Variants in STON2 observed in about 807,000 individuals in gnomAD.
STON2 encodes the protein stonin-2.
A neutral mutation model predicts 65.7 loss-of-function variants in STON2; 29 were observed. The ratio of observed to expected loss-of-function variants is 0.44; its 90% CI spans 0.33 to 0.60. The LOEUF is 0.60. Among genes scored for constraint, STON2 ranks in the 20% least tolerant of loss-of-function variants. STON2 has a pLI of 0.03. For missense variants in STON2, 1,054 were observed against 1,118.1 expected (o/e 0.94, Z 0.82); for synonymous variants, 404 against 414.2 (o/e 0.98, Z 0.30).
intron 4 of STON2, among the ~76,000 whole-genome samples, chr14:81,341,865 C>A (rs1897627127): frequency 6.6e-6 from 1 of 152,158 alleles, no homozygotes; most frequent in Non-Finnish European, 1.5e-5. Context: ...GTCGTAAAAT[C>A]ACAAAGATTT....
At chr14:81,361,473 T>A (rs1377025093) in intron 4 of STON2, among the ~76,000 whole-genome samples, 1 of 152,142 alleles carries the variant, frequency 6.6e-6, no homozygotes, top group South Asian at 2.1e-4. Context: ...TAGACCCTTA[T>A]CTCACACCAT....
At chr14:81,313,435 A>C (rs1287616729) in intron 5 of STON2, among the ~76,000 whole-genome samples, 1 of 152,086 alleles carries the variant, frequency 6.6e-6, no homozygotes, top group Non-Finnish European at 1.5e-5. Flanking sequence ...TGGTGAACAA[A>C]ACAGATTGGG....
rs933778362 is a variant in STON2 at position 81,413,837 on chromosome 14, A to T, written c.-199+13265T>A. On this transcript the variant is annotated intron_variant, in intron 2 of 8. Transcript: ENST00000553821. ...AAATAAACAAACAAATCTGTTGCAC[A>T]TGTGAAGAAAACAAAGCTTTCTCAC... Among the ~76,000 whole-genome samples, 8 of 140,212 alleles carry T rather than the reference A, an allele frequency of 5.7e-5. 1 individual carries two copies. The highest frequency in any genetic ancestry group is 1.0e-4 in the Non-Finnish European group (7 of 66,990). 92.0% of individuals were successfully genotyped at this position (140,212 alleles called of 152,430 possible).
chr14:81,284,231 A>T (rs1038233453), intron 5 of STON2, among the ~76,000 whole-genome samples: 15 of 152,226 alleles, frequency 9.9e-5, no homozygotes, highest in African/African-American at 3.6e-4. Context: ...TATGTCTCTT[A>T]CTTTCAATCA....
intron 4 of STON2, among the ~76,000 whole-genome samples, chr14:81,339,690 A>T (rs77145683): frequency 0.013 from 1,985 of 152,314 alleles, 41 homozygotes; most frequent in African/African-American, 0.045. Context: ...TTCAGACTGT[A>T]AGGCAAAGTA....
chr14:81,313,811 AC>A lies in STON2; in HGVS notation c.742+10205del, dbSNP rs1300664508. ...CTCCGTCTCAAAAAAAAAAAAAAAT[AC>A]ACACACACACACACACACACACACA... On this transcript the variant is annotated intron_variant, in intron 5 of 7. Coordinates refer to ENST00000614646, the MANE Select transcript of STON2 (RefSeq NM_001394390.1). Among the ~76,000 whole-genome samples the A allele has an allele frequency of 6.5e-3, 63 of 9,662 alleles. 1 individual carries two copies. The highest frequency in any genetic ancestry group is 0.062 in the South Asian group (50 of 812). The allele number at this position is 9,662 out of a possible 152,430, so 6.3% of individuals were successfully genotyped here.
intron 4 of STON2, among the ~76,000 whole-genome samples, chr14:81,352,790 C>CA (rs1481404365): frequency 2.0e-5 from 3 of 152,204 alleles, no homozygotes; most frequent in Non-Finnish European, 2.9e-5. Context: ...AAGGGACTTG[C>CA]AAAAATCTCT....
At chr14:81,287,300 G>A (rs1196816533) in intron 5 of STON2, among the ~76,000 whole-genome samples, 1 of 152,192 alleles carries the variant, frequency 6.6e-6, no homozygotes, top group Non-Finnish European at 1.5e-5. Context: ...TAATGATAAA[G>A]AGGACGCCAG....
intron 3 of STON2, among the ~76,000 whole-genome samples, chr14:81,371,687 A>AAAAAAAAG (rs1566931809): frequency 1.3e-4 from 19 of 146,888 alleles, no homozygotes; most frequent in Admixed American, 4.8e-4. Context: ...AAAAAAAAAA[A>AAAAAAAAG]AAAAGAAAAG....
At chr14:81,303,133 T>C (rs2562248) in intron 5 of STON2, among the ~76,000 whole-genome samples, 150,826 of 152,002 alleles carry the variant, frequency 0.99, 74,899 homozygotes, top group Middle Eastern at 1. Context: ...AAAATGTGTA[T>C]TGGGTGAGCA....
intron 4 of STON2, among the ~76,000 whole-genome samples, chr14:81,342,338 T>C (rs1897646012): frequency 6.6e-6 from 1 of 152,166 alleles, no homozygotes; most frequent in African/African-American, 2.4e-5. Context: ...TTTCGCCACA[T>C]TGGCCAGGCT....
At chr14:81,363,787 T>C (rs1381240167) in intron 4 of STON2, among the ~76,000 whole-genome samples, 1 of 152,180 alleles carries the variant, frequency 6.6e-6, no homozygotes, top group Non-Finnish European at 1.5e-5. Flanking sequence ...TTTAAAAATA[T>C]CATAAAATAG....
Position 81,265,119 on chromosome 14 carries a change from T to C in STON2, c.*3295A>G, listed in dbSNP as rs930801180. On this transcript the variant is annotated 3_prime_UTR_variant, in exon 8 of 8. Coordinates refer to ENST00000614646, the MANE Select transcript of STON2 (RefSeq NM_001394390.1). ...AAGTCCAGGTCCAGGGTTGCAAAAG[T>C]AGAATCTGCATATCCACAGGTAATT... The C allele has an allele frequency of 8.1e-5, 80 of 985,076 alleles. No homozygotes were observed. Among genetic ancestry groups the C allele is most frequent in the Admixed American group, 4.3e-4 (7 of 16,238 alleles). 61.0% of individuals were successfully genotyped at this position (985,076 alleles called of 1,614,324 possible). A position where few individuals can be genotyped will look rare whatever the true frequency, so the allele number is the denominator to read the frequency against.
chr14:81,356,912 A>G, intron 4 of STON2, among the ~76,000 whole-genome samples: 1 of 151,814 alleles, frequency 6.6e-6, no homozygotes, highest in Non-Finnish European at 1.5e-5. Flanking sequence ...TTTCTTTATT[A>G]GTCTTGCTAG....
At chr14:81,339,951 A>G (rs550886872) in intron 4 of STON2, among the ~76,000 whole-genome samples, 28 of 152,124 alleles carry the variant, frequency 1.8e-4, no homozygotes, top group Middle Eastern at 3.4e-3. Flanking sequence ...TCAGGAGATC[A>G]AGACCATCCT....
At position 81,278,140 on chromosome 14, in the gene STON2, C is replaced by T. The variant is rs181762575; in HGVS notation, c.1342G>A (p.Asp448Asn). The change falls in exon 6 of 8, where the codon GAT (aspartate) becomes AAT (asparagine). Residue 448 changes from aspartate to asparagine, a missense_variant. Transcript: ENST00000614646. ...GCACTGCCAAAGTGATCAGGGTCAT[C>T]AATTTGGAGTTGTTTGAGTTTTTCA... ...AVEKLKQLQI[D>N]DPDHFGSATL... 5 of 1,614,184 alleles carry T rather than the reference C, an allele frequency of 3.1e-6. No individual in the cohort carries two copies. In the Admixed American group the frequency reaches 5.0e-5, roughly 16 times the overall value.
At chr14:81,416,466 T>C (rs1484757278) in intron 2 of STON2, among the ~76,000 whole-genome samples, 1 of 152,176 alleles carries the variant, frequency 6.6e-6, no homozygotes, top group Non-Finnish European at 1.5e-5. Flanking sequence ...TCAGTTGGCC[T>C]AGAAATGAGT....
chr14:81,411,673 C>T (rs1270533047), intron 2 of STON2, among the ~76,000 whole-genome samples: 1 of 152,246 alleles, frequency 6.6e-6, no homozygotes, highest in Non-Finnish European at 1.5e-5. Context: ...CGCTATTGCA[C>T]TCTAGCCTGG....
At chr14:81,291,628 TTAAC>T (rs1895555662) in intron 5 of STON2, among the ~76,000 whole-genome samples, 3 of 152,142 alleles carry the variant, frequency 2.0e-5, no homozygotes, top group South Asian at 2.1e-4. Flanking sequence ...TTACAAAACA[TTAAC>T]TAAAACACCT....
Sources: allele counts gnomAD v4.1 joint callset (sites outside exome capture counted in the v4.1 genomes callset), GRCh38; gene constraint gnomAD v4.1.1; transcripts MANE v1.5; gene names NCBI Gene and HGNC (gene_info 2026-07-23, HGNC 2026-07-21).